The following NTMT1 variants were observed in gnomAD, a reference collection of about 807,000 sequenced individuals.
NTMT1 encodes the protein N-terminal Xaa-Pro-Lys N-methyltransferase 1.
NTMT1 carries 8 observed loss-of-function variants against 17.5 expected under a neutral mutation model. The ratio of observed to expected loss-of-function variants is 0.46; its 90% CI spans 0.27 to 0.82. The LOEUF (loss-of-function observed/expected upper bound fraction) is 0.82. Among genes scored for constraint, NTMT1 ranks in the 40% least tolerant of loss-of-function variants. The pLI is 0.15. For synonymous variants in NTMT1, 128 were observed against 126.8 expected, an observed-to-expected ratio of 1.01 and a Z score of -0.06; for missense variants, 221 against 303.5, an observed-to-expected ratio of 0.73 and a Z score of 2.02.
In NTMT1 at chr9:129,613,148, T is replaced by C; in HGVS notation, c.-55+3970T>C. On this transcript the variant is annotated intron_variant, in intron 1 of 3. Transcript: ENST00000372486. This position sits in a 1 kb window ranked among gnomAD's most constrained non-coding sequence, Gnocchi z 6.2. ...TGCGGGTCCAAGAAGGCTCGGAGGC[T>C]GCTTCGCGGCCTCTGAGCAGCGGCC... 1 of 1,613,900 alleles carries C rather than the reference T, an allele frequency of 6.2e-7. No individual in the cohort carries two copies. Among genetic ancestry groups the C allele is most frequent in the Admixed American group, 1.7e-5 (1 of 60,020 alleles).
At chr9:129,612,957 C>T (rs552317021) in intron 1 of NTMT1, 29 of 931,944 alleles carry the variant, frequency 3.1e-5, no homozygotes, top group South Asian at 1.8e-4. Flanking sequence ...GAACACAGGG[C>T]GTGGCCACTG....
At chr9:129,609,612 T>A (rs954210645) in intron 1 of NTMT1, among the ~76,000 whole-genome samples, 1 of 141,140 alleles carries the variant, frequency 7.1e-6, no homozygotes, top group Non-Finnish European at 1.5e-5. Context: ...AAGGGCCCTG[T>A]TGGGGCCCCT....
intron 1 of NTMT1, among the ~76,000 whole-genome samples, chr9:129,618,680 TA>T (rs1163406549): frequency 4.0e-5 from 6 of 151,238 alleles, no homozygotes; most frequent in Admixed American, 1.3e-4. Context: ...ATTTTTTATT[TA>T]TTTTATTTTA....
rs753630070 is a variant in NTMT1 at position 129,635,854 on chromosome 9, C to T, written c.*390C>T. The T allele has an allele frequency of 3.5e-4, 78 of 224,848 alleles. No homozygotes were observed. Among genetic ancestry groups the T allele is most frequent in the Non-Finnish European group, 6.5e-4 (73 of 111,926 alleles). 13.9% of individuals were successfully genotyped at this position (224,848 alleles called of 1,614,324 possible). A position where few individuals can be genotyped will look rare whatever the true frequency, so the allele number is the denominator to read the frequency against. On this transcript the variant is annotated 3_prime_UTR_variant, in exon 4 of 4. Transcript: ENST00000372483. ...AAGGAAACCACCCCCAACTTGGTTG[C>T]TGGGGACTTGAAGACTTCAGTGTGA...
intron 1 of NTMT1, among the ~76,000 whole-genome samples, chr9:129,627,814 G>C (rs1830969213): frequency 6.6e-6 from 1 of 152,232 alleles, no homozygotes; most frequent in Non-Finnish European, 1.5e-5. Flanking sequence ...GGCTGCTAGA[G>C]GGTGGAGGTA....
In NTMT1 at chr9:129,620,656, G is replaced by C; in HGVS notation, c.-55+11478G>C. The C allele has an allele frequency of 8.3e-7, 1 of 1,204,926 alleles. No individual in the cohort carries two copies. The highest frequency in any genetic ancestry group is 1.0e-6 in the Non-Finnish European group (1 of 957,902). 74.6% of individuals were successfully genotyped at this position (1,204,926 alleles called of 1,614,324 possible). A position where few individuals can be genotyped will look rare whatever the true frequency, so the allele number is the denominator to read the frequency against. On this transcript the variant is annotated intron_variant, in intron 1 of 3. Coordinates refer to the NTMT1 transcript ENST00000372486. This position sits in a 1 kb window ranked among gnomAD's most constrained non-coding sequence, Gnocchi z 5.8. ...GCTGAGGTGGGGAGGGCATAGTCCA[G>C]CCCCAGGCCATAGTGCCCCGGGCGG...
rs1564340048 is a variant in NTMT1 at position 129,620,895 on chromosome 9, T to C, written c.-55+11717T>C. 2 of 287,896 alleles carry C rather than the reference T, an allele frequency of 6.9e-6. No individual in the cohort carries two copies. The highest frequency in any genetic ancestry group is 1.3e-5 in the Non-Finnish European group (2 of 155,972). The allele number at this position is 287,896 out of a possible 1,614,324, so 17.8% of individuals were successfully genotyped here. ...CAGGCACGCTGGCCAAGCTTACACA[T>C]AGACTAGCTGCCATTCTTAGTATTT... On this transcript the variant is annotated intron_variant, in intron 1 of 3. Transcript: ENST00000372486. This position sits in a 1 kb window ranked among gnomAD's most constrained non-coding sequence, Gnocchi z 5.8.
chr9:129,633,913 C>T (rs1831344032), intron 2 of NTMT1, 141 bp from the exon 3 acceptor site: 2 of 909,606 alleles, frequency 2.2e-6, no homozygotes, highest in African/African-American at 1.7e-5. Flanking sequence ...AGCTGGCAGC[C>T]AGCACAGACC....
Position 129,635,470 on chromosome 9 carries a change from G to T in NTMT1, c.*6G>T, listed in dbSNP as rs767314125. The T allele has an allele frequency of 6.2e-7, 1 of 1,602,020 alleles. No homozygotes were observed. Among genetic ancestry groups the T allele is most frequent in the Middle Eastern group, 1.7e-4 (1 of 6,054 alleles). On this transcript the variant is annotated 3_prime_UTR_variant, in exon 4 of 4. Transcript: ENST00000372483. ...ATAGCTTTGCCCTGAGATGAGCCGG[G>T]GCTGGCAGGAGAAACTGAGGAACCA...
intron 3 of NTMT1, 145 bp from the exon 4 acceptor site, chr9:129,635,063 T>C: frequency 1.1e-6 from 1 of 922,086 alleles, no homozygotes. Context: ...AGTAAATCTC[T>C]CGGGACTGAG....
chr9:129,622,821 A>T (rs1189231547), upstream of NTMT1, among the ~76,000 whole-genome samples: 2 of 152,078 alleles, frequency 1.3e-5, no homozygotes, highest in Non-Finnish European at 2.9e-5. Context: ...TGAGCTCAGG[A>T]GTTCGCAATC....
intron 1 of NTMT1, among the ~76,000 whole-genome samples, chr9:129,610,020 CTG>C (rs1386998342): frequency 7.5e-6 from 1 of 132,802 alleles, no homozygotes; most frequent in Non-Finnish European, 1.6e-5. Flanking sequence ...TGTGGTGTGC[CTG>C]TGTGTGTCTC....
At position 129,620,388 on chromosome 9, in the gene NTMT1, G is replaced by T. The variant is rs547381419; in HGVS notation, c.-55+11210G>T. On this transcript the variant is annotated intron_variant, in intron 1 of 3. Coordinates refer to the NTMT1 transcript ENST00000372486. This position sits in a 1 kb window ranked among gnomAD's most constrained non-coding sequence, Gnocchi z 5.8. ...ACCCCGGGCTTGGCGTCCCCTTCCG[G>T]CCACCACGCGGCGCCGCCCCCCGGG... 1.6e-6 allele frequency: 2 copies of T among 1,232,022 alleles called. No individual in the cohort carries two copies. The highest frequency in any genetic ancestry group is 7.8e-5 in the South Asian group (2 of 25,742). 76.3% of individuals were successfully genotyped at this position (1,232,022 alleles called of 1,614,324 possible). A position where few individuals can be genotyped will look rare whatever the true frequency, so the allele number is the denominator to read the frequency against.
chr9:129,609,659 G>C (rs1344195483), intron 1 of NTMT1, among the ~76,000 whole-genome samples: 1 of 151,952 alleles, frequency 6.6e-6, no homozygotes, highest in Admixed American at 6.5e-5. Context: ...GCCAAAGAGG[G>C]TGAGAGATAG....
At chr9:129,611,489 C>G (rs1830114671) in intron 1 of NTMT1, among the ~76,000 whole-genome samples, 1 of 152,256 alleles carries the variant, frequency 6.6e-6, no homozygotes. Flanking sequence ...CACACAGGTG[C>G]TTTGCCTTCT....
At chr9:129,632,948 C>A in intron 2 of NTMT1, 83 bp downstream of exon 2, 1 of 1,463,346 alleles carries the variant, frequency 6.8e-7, no homozygotes, top group Non-Finnish European at 9.4e-7. Flanking sequence ...ACCTTTTACA[C>A]ATGTAACACT....
At chr9:129,615,738 C>T in intron 1 of NTMT1, 1 of 1,373,816 alleles carries the variant, frequency 7.3e-7, no homozygotes, top group Non-Finnish European at 9.6e-7. Flanking sequence ...AGATCCTGGA[C>T]AAGTGCCCTA....
rs1311655855 is a variant in NTMT1 at position 129,620,051 on chromosome 9, C to T, written c.-55+10873C>T. The T allele has an allele frequency of 2.1e-6, 3 of 1,450,330 alleles. No homozygotes were observed. In the South Asian group the frequency reaches 4.4e-5, roughly 21 times the overall value. The allele number at this position is 1,450,330 out of a possible 1,614,324, so 89.8% of individuals were successfully genotyped here. ...AAATGACTCGGGCCCGCCCCCCGGG[C>T]CCCGCGGGGCCTCACTCAGTGGCTC... On this transcript the variant is annotated intron_variant, in intron 1 of 3. Coordinates refer to the NTMT1 transcript ENST00000372486. This position sits in a 1 kb window ranked among gnomAD's most constrained non-coding sequence, Gnocchi z 5.8.
intron 1 of NTMT1, among the ~76,000 whole-genome samples, chr9:129,627,916 C>T (rs543057603): frequency 6.6e-6 from 1 of 152,304 alleles, no homozygotes; most frequent in East Asian, 1.9e-4. Flanking sequence ...CTGTTTTCTT[C>T]CATGGGTCGT....
Sources: allele counts gnomAD v4.1 joint callset (sites outside exome capture counted in the v4.1 genomes callset), GRCh38; gene constraint gnomAD v4.1.1; non-coding constraint Gnocchi (gnomAD v3.1); transcripts MANE v1.5; gene names NCBI Gene and HGNC (gene_info 2026-07-23, HGNC 2026-07-21).